Variants in LGR6 observed in about 807,000 individuals in gnomAD.
LGR6 encodes leucine rich repeat containing G protein-coupled receptor 6.
A neutral mutation model predicts 69.4 loss-of-function variants in LGR6; 45 were observed. The ratio of observed to expected loss-of-function variants is 0.65; its 90% confidence interval spans 0.51 to 0.83. LGR6 has a LOEUF of 0.83. Ranked by LOEUF, LGR6 falls within the 40% of genes least tolerant of loss-of-function variation. The pLI is 0.00. For missense variants in LGR6, 1,108 were observed against 1,246.7 expected, an observed-to-expected ratio of 0.89 and a Z score of 1.68; for synonymous variants, 538 against 555.0, an observed-to-expected ratio of 0.97 and a Z score of 0.43.
At chr1:202,199,910 T>C (rs1658780456) in intron 1 of LGR6, among the ~76,000 whole-genome samples, 1 of 152,210 alleles carries the variant, frequency 6.6e-6, no homozygotes, top group African/African-American at 2.4e-5. Context: ...GCTTACAAAA[T>C]GTTTACTATT....
chr1:202,255,310 G>A (rs1386000728), intron 4 of LGR6, among the ~76,000 whole-genome samples: 1 of 152,226 alleles, frequency 6.6e-6, no homozygotes, highest in Non-Finnish European at 1.5e-5. Context: ...ACTTCAGGAG[G>A]GGTCCTGGAC....
chr1:202,269,003 C>A (rs74749096), intron 4 of LGR6, among the ~76,000 whole-genome samples: 11,054 of 152,186 alleles, frequency 0.073, 525 homozygotes, highest in Middle Eastern at 0.12. Flanking sequence ...CTTCTGGGAT[C>A]AAAAGATCCT....
At chr1:202,246,778 A>G (rs1558033134) in intron 4 of LGR6, among the ~76,000 whole-genome samples, 2 of 152,328 alleles carry the variant, frequency 1.3e-5, no homozygotes, top group South Asian at 4.1e-4. Flanking sequence ...AATAAAAATC[A>G]TATTGGTAGT....
rs2148276372 is a variant in LGR6 at position 202,304,638 on chromosome 1, C to T, written c.1070+8C>T. 6.2e-7 allele frequency: 1 copy of T among 1,604,792 alleles called. No homozygotes were observed. The highest frequency in any genetic ancestry group is 1.1e-5 in the South Asian group (1 of 90,388). On this transcript the variant is annotated splice_region_variant and intron_variant, in intron 11 of 17. Transcript: ENST00000367278. Reference sequence around the variant, plus strand: ...GCCCAGGCTCCGAGTCCTGTGAGTGCTCACAAGAATTCTACAGTCTTGGCA... The same window carrying T: ...GCCCAGGCTCCGAGTCCTGTGAGTGTTCACAAGAATTCTACAGTCTTGGCA...
At chr1:202,207,689 A>G (rs757208565) in intron 1 of LGR6, among the ~76,000 whole-genome samples, 10 of 152,092 alleles carry the variant, frequency 6.6e-5, no homozygotes, top group Non-Finnish European at 1.3e-4. Flanking sequence ...CCTTTTACCA[A>G]TCCTTGGGGA....
intron 4 of LGR6, among the ~76,000 whole-genome samples, chr1:202,276,069 G>A (rs1355095825): frequency 6.6e-6 from 1 of 152,162 alleles, no homozygotes; most frequent in Non-Finnish European, 1.5e-5. Context: ...ACTTCAGCCT[G>A]GGCAACAGAG....
intron 4 of LGR6, among the ~76,000 whole-genome samples, chr1:202,264,495 C>G (rs1406228382): frequency 6.6e-6 from 1 of 152,202 alleles, no homozygotes; most frequent in African/African-American, 2.4e-5. Context: ...CTCAAGCAAC[C>G]ACAGGACCCG....
intron 16 of LGR6, among the ~76,000 whole-genome samples, chr1:202,313,736 T>TG (rs1283925500): frequency 2.0e-5 from 3 of 152,226 alleles, no homozygotes; most frequent in East Asian, 1.9e-4. Flanking sequence ...AATGTATGTA[T>TG]GGGGGGCACA....
At position 202,276,357 on chromosome 1, in the gene LGR6, G is replaced by C; in HGVS notation, c.480G>C (p.Gly160=). The C allele has an allele frequency of 6.2e-7, 1 of 1,614,168 alleles. No individual in the cohort carries two copies. Among genetic ancestry groups the C allele is most frequent in the Non-Finnish European group, 8.5e-7 (1 of 1,180,028 alleles). Residue 160 remains glycine (G), a synonymous_variant, in exon 5 of 18, where the codon GGG becomes GGC. Coordinates refer to ENST00000367278, the MANE Select transcript of LGR6 (RefSeq NM_001017403.2). The part of the protein sequence containing the change: ...ISLVPERSFE[G]LSSLRHLWLD... ...TGGTCCCGGAGAGGAGCTTTGAGGG[G>C]CTGTCCTCCCTCCGCCACCTCTGGC...
Position 202,319,273 on chromosome 1 carries a change from C to A in LGR6, c.*66C>A. 6.9e-7 allele frequency: 1 copy of A among 1,454,976 alleles called. No homozygotes were observed. Among genetic ancestry groups the A allele is most frequent in the African/African-American group, 1.4e-5 (1 of 70,418 alleles). The allele number at this position is 1,454,976 out of a possible 1,614,324, so 90.1% of individuals were successfully genotyped here. A position where few individuals can be genotyped will look rare whatever the true frequency, so the allele number is the denominator to read the frequency against. Reference sequence around the variant, plus strand: ...CTCTCTCCCCCTCGGTGAATGATGGCTGCTTCTAAAACAAATACAACCAAA... The same window carrying A: ...CTCTCTCCCCCTCGGTGAATGATGGATGCTTCTAAAACAAATACAACCAAA... On this transcript the variant is annotated 3_prime_UTR_variant, in exon 18 of 18. Transcript: ENST00000367278.
intron 6 of LGR6, among the ~76,000 whole-genome samples, chr1:202,284,530 G>A (rs1464654008): frequency 6.6e-6 from 1 of 152,122 alleles, no homozygotes; most frequent in Non-Finnish European, 1.5e-5. Flanking sequence ...CTCCGTCAAG[G>A]TCAGATCAAT....
chr1:202,256,571 A>G (rs1351634985), intron 4 of LGR6, among the ~76,000 whole-genome samples: 1 of 152,200 alleles, frequency 6.6e-6, no homozygotes, highest in African/African-American at 2.4e-5. Flanking sequence ...GCTGAATTAT[A>G]TTCCTTGGTA....
At chr1:202,280,078 T>C (rs934755598) in intron 5 of LGR6, among the ~76,000 whole-genome samples, 8 of 152,230 alleles carry the variant, frequency 5.3e-5, no homozygotes, top group Non-Finnish European at 8.8e-5. Flanking sequence ...GGCTTTCTGT[T>C]TCCCTGTTGT....
intron 12 of LGR6, 51 bp downstream of exon 12, chr1:202,305,800 A>T: frequency 6.7e-7 from 1 of 1,487,956 alleles, no homozygotes; most frequent in Non-Finnish European, 9.4e-7. Context: ...GACCCTGAGC[A>T]AGTCCTGTAG....
chr1:202,215,283 G>A (rs573255688), intron 1 of LGR6, among the ~76,000 whole-genome samples: 1 of 152,156 alleles, frequency 6.6e-6, no homozygotes, highest in African/African-American at 2.4e-5. Flanking sequence ...CCCAATCCTT[G>A]TGCACCCTAG....
At chr1:202,266,393 A>T (rs1664658603) in intron 4 of LGR6, among the ~76,000 whole-genome samples, 1 of 152,074 alleles carries the variant, frequency 6.6e-6, no homozygotes, top group Admixed American at 6.6e-5. Context: ...TCCTGGAGAG[A>T]GGAAAGGGAC....
chr1:202,280,188 C>T (rs983029024), intron 5 of LGR6, among the ~76,000 whole-genome samples: 6 of 152,192 alleles, frequency 3.9e-5, no homozygotes, highest in East Asian at 1.9e-4. Context: ...CCCCCTTTGC[C>T]TGGAATGCCC....
intron 16 of LGR6, 23 bp from the exon 17 acceptor site, chr1:202,314,779 C>T (rs1458196197): frequency 6.3e-7 from 1 of 1,588,888 alleles, no homozygotes; most frequent in African/African-American, 1.3e-5. Flanking sequence ...CAGGACCCTG[C>T]ATCACTTTGT....
Position 202,235,908 on chromosome 1 carries a change from C to A in LGR6, c.357-14C>A. 2 of 1,613,674 alleles carry A rather than the reference C, an allele frequency of 1.2e-6. No homozygotes were observed. Among genetic ancestry groups the A allele is most frequent in the Non-Finnish European group, 1.7e-6 (2 of 1,179,670 alleles). On this transcript the variant is annotated splice_polypyrimidine_tract_variant and intron_variant, in intron 3 of 17. Transcript: ENST00000367278. ...ACCATGTGCGTCCTTAAAGCCCTTT[C>A]TCTTCTCCCGTAGGATGCTGCAGAA...
Sources: allele counts gnomAD v4.1 joint callset (sites outside exome capture counted in the v4.1 genomes callset), GRCh38; gene constraint gnomAD v4.1.1; transcripts MANE v1.5; gene names NCBI Gene and HGNC (gene_info 2026-07-23, HGNC 2026-07-21).